Variants in ALDH1A1 observed in about 807,000 individuals in gnomAD.
ALDH1A1 encodes aldehyde dehydrogenase 1A1.
A neutral mutation model predicts 62.1 loss-of-function variants in ALDH1A1; 19 were observed. The ratio of observed to expected loss-of-function variants is 0.31; its 90% CI spans 0.21 to 0.45. ALDH1A1 has a LOEUF of 0.45. Among genes scored for constraint, ALDH1A1 ranks in the 20% least tolerant of loss-of-function variants. The pLI is 1.00. For missense variants in ALDH1A1, 521 were observed against 607.1 expected (o/e 0.86, Z 1.49); for synonymous variants, 231 against 215.9 (o/e 1.07, Z -0.61).
At chr9:72,926,065 G>A (rs1830201164) in intron 5 of ALDH1A1, among the ~76,000 whole-genome samples, 1 of 152,168 alleles carries the variant, frequency 6.6e-6, no homozygotes, top group African/African-American at 2.4e-5. Context: ...AGGGTCCAGA[G>A]GCCAAGTACT....
chr9:72,908,557 AAG>A (rs1455898145), intron 11 of ALDH1A1, among the ~76,000 whole-genome samples: 1 of 3,684 alleles, frequency 2.7e-4, no homozygotes, highest in East Asian at 0.014. Context: ...AGAAAGAAGA[AAG>A]AAAGAAAGAA....
At chr9:72,921,830 G>A (rs547373863) in intron 7 of ALDH1A1, among the ~76,000 whole-genome samples, 300 of 152,008 alleles carry the variant, frequency 2.0e-3, no homozygotes, top group Middle Eastern at 0.01. Flanking sequence ...AAGGCAATAG[G>A]CATGCACTGT....
chr9:72,952,501 A>G (rs1312313046), intron 1 of ALDH1A1, among the ~76,000 whole-genome samples: 2 of 151,934 alleles, frequency 1.3e-5, no homozygotes, highest in Non-Finnish European at 2.9e-5. Flanking sequence ...TTTATTAAAC[A>G]TATTGGAAAG....
At chr9:72,939,709 T>C (rs1212651224) in intron 2 of ALDH1A1, among the ~76,000 whole-genome samples, 1 of 151,700 alleles carries the variant, frequency 6.6e-6, no homozygotes, top group East Asian at 1.9e-4. Flanking sequence ...GTAGAGACGG[T>C]GTTTCCCCAT....
At chr9:72,943,695 T>C (rs1039801114) in intron 1 of ALDH1A1, among the ~76,000 whole-genome samples, 7 of 152,160 alleles carry the variant, frequency 4.6e-5, no homozygotes, top group Non-Finnish European at 1.0e-4. Context: ...AAAGTGTTTG[T>C]CCAATAATGA....
rs189068962 is a variant in ALDH1A1 at position 72,930,410 on chromosome 9, T to C, written c.312+469A>G. ...TTCAGGAAGAAAAAAAGTAGCCATT[T>C]ATTAAATATCTTAGCGAGCTAGACT... On this transcript the variant is annotated intron_variant, in intron 3 of 12. Transcript: ENST00000297785. Among the ~76,000 whole-genome samples the C allele has an allele frequency of 2.4e-3, 373 of 152,346 alleles. 1 individual carries two copies. The highest frequency in any genetic ancestry group is 8.5e-3 in the African/African-American group (355 of 41,580).
At chr9:72,935,664 G>T (rs1034341918) in intron 2 of ALDH1A1, among the ~76,000 whole-genome samples, 4 of 152,102 alleles carry the variant, frequency 2.6e-5, no homozygotes, top group African/African-American at 9.7e-5. Context: ...GAAGTGAAAA[G>T]AAAACAGTTC....
chr9:72,926,979 C>G (rs761939753), intron 5 of ALDH1A1, 137 bp downstream of exon 5: 3 of 622,464 alleles, frequency 4.8e-6, no homozygotes, highest in South Asian at 3.1e-5. Flanking sequence ...ACAGGGAGAC[C>G]AAGTTCAACA....
At chr9:72,916,420 C>T (rs541608680) in intron 9 of ALDH1A1, among the ~76,000 whole-genome samples, 5 of 152,232 alleles carry the variant, frequency 3.3e-5, no homozygotes, top group South Asian at 2.1e-4. Flanking sequence ...AACTGAAATA[C>T]GAAGTTTGCC....
rs1321686906 is a variant in ALDH1A1 at position 72,940,160 on chromosome 9, T to C, written c.159A>G (p.Glu53=). 1 of 1,612,686 alleles carries C rather than the reference T, an allele frequency of 6.2e-7. No homozygotes were observed. The highest frequency in any genetic ancestry group is 1.7e-5 in the Admixed American group (1 of 60,012). Residue 53 remains glutamate, a synonymous_variant, in exon 2 of 13, where the codon GAA becomes GAG. Transcript: ENST00000297785. ...PATEEELCQV[E]EGDKEDVDKA... ...TTCAGAAACTCACCTTATCTCCTTC[T>C]TCTACCTGGCAGAGCTCCTCCTCAG...
intron 2 of ALDH1A1, among the ~76,000 whole-genome samples, chr9:72,935,330 G>A (rs945488843): frequency 2.0e-5 from 3 of 152,052 alleles, no homozygotes; most frequent in Non-Finnish European, 2.9e-5. Flanking sequence ...TTTGCTTATA[G>A]CACTGAAAAT....
chr9:72,901,790 G>A (rs1048287343), intron 12 of ALDH1A1, among the ~76,000 whole-genome samples: 3 of 152,048 alleles, frequency 2.0e-5, no homozygotes, highest in African/African-American at 7.2e-5. Flanking sequence ...AGCAGAGCTT[G>A]TATTTACCAT....
intron 4 of ALDH1A1, among the ~76,000 whole-genome samples, chr9:72,928,675 T>C (rs377736602): frequency 3.5e-4 from 53 of 152,346 alleles, no homozygotes; most frequent in African/African-American, 1.2e-3. Context: ...ATATCTATAA[T>C]GTTATCTTCA....
intron 5 of ALDH1A1, among the ~76,000 whole-genome samples, chr9:72,926,070 A>T (rs1339925175): frequency 6.6e-6 from 1 of 152,234 alleles, no homozygotes; most frequent in Non-Finnish European, 1.5e-5. Flanking sequence ...CCAGAGGCCA[A>T]GTACTTGGGT....
rs1318421048 is a variant in ALDH1A1, at chr9:72,905,976, G to T, written c.1415C>A (p.Ser472Tyr). Residue 472 changes from serine to tyrosine, a missense_variant, in exon 12 of 13, where the codon TCT (serine) becomes TAT (tyrosine). Transcript: ENST00000297785. Reference protein sequence around the residue: ...AQCPFGGFKMSGNGRELGEYG... With the variant: ...AQCPFGGFKMYGNGRELGEYG... ...ATCTTACAGTTCTCTTCCATTTCCA[G>T]ACATCTTGAATCCACCAAAGGGGCA... 1 of 1,610,502 alleles carries T rather than the reference G, an allele frequency of 6.2e-7. No individual in the cohort carries two copies. Among genetic ancestry groups the T allele is most frequent in the Non-Finnish European group, 8.5e-7 (1 of 1,177,974 alleles).
At chr9:72,915,824 T>G (rs183287250) in intron 9 of ALDH1A1, among the ~76,000 whole-genome samples, 3 of 152,354 alleles carry the variant, frequency 2.0e-5, no homozygotes, top group Admixed American at 6.5e-5. Context: ...GGTACCCATC[T>G]CAAGTTTTAG....
chr9:72,941,707 T>G (rs1304663542), intron 1 of ALDH1A1, among the ~76,000 whole-genome samples: 1 of 152,186 alleles, frequency 6.6e-6, no homozygotes, highest in African/African-American at 2.4e-5. Flanking sequence ...GTTCTGCAAA[T>G]GAATACTCTA....
At chr9:72,948,955 G>T (rs1354515272) in intron 1 of ALDH1A1, among the ~76,000 whole-genome samples, 1 of 151,770 alleles carries the variant, frequency 6.6e-6, no homozygotes, top group Non-Finnish European at 1.5e-5. Context: ...ATAATCATGG[G>T]GGAAAAGAAG....
Position 72,952,915 on chromosome 9 carries a change from A to G in ALDH1A1, c.66+20T>C. 1 of 1,610,802 alleles carries G rather than the reference A, an allele frequency of 6.2e-7. No homozygotes were observed. On this transcript the variant is annotated intron_variant, in intron 1 of 12. Coordinates refer to ENST00000297785, the MANE Select transcript of ALDH1A1 (RefSeq NM_000689.5). ...TTTTTGCAAACCCGAGTCAAAGCAG[A>G]AAATAGAAGTTTTACTCACCTTAGT...
Sources: gnomAD v4.1 joint callset for allele counts (sites outside exome capture counted in the v4.1 genomes callset) on GRCh38, gnomAD v4.1.1 for gene constraint, MANE v1.5 for transcripts, NCBI Gene and HGNC (gene_info 2026-07-23, HGNC 2026-07-21) for gene names.